Variants in CCDC192 observed in about 807,000 individuals in gnomAD.
CCDC192 encodes coiled-coil domain containing 192, also known as coiled-coil domain-containing protein 192.
intron 3 of CCDC192, among the ~76,000 whole-genome samples, chr5:127,781,389 G>C (rs1388455585): frequency 6.6e-6 from 1 of 152,012 alleles, no homozygotes; most frequent in East Asian, 1.9e-4. Context: ...ATTTTGATGG[G>C]AATTGTGTTG....
intron 3 of CCDC192, among the ~76,000 whole-genome samples, chr5:127,757,663 C>T (rs115245583): frequency 1.8e-3 from 267 of 151,766 alleles, no homozygotes; most frequent in African/African-American, 5.9e-3. Flanking sequence ...GAACACCTGT[C>T]ACAAACAATC....
intron 6 of CCDC192, among the ~76,000 whole-genome samples, chr5:127,906,880 G>T (rs1753211820): frequency 6.6e-6 from 1 of 152,138 alleles, no homozygotes. Flanking sequence ...AGGTCACATG[G>T]TTGTTCTGTT....
intron 6 of CCDC192, among the ~76,000 whole-genome samples, chr5:127,897,994 G>C (rs1415114224): frequency 2.0e-5 from 3 of 152,152 alleles, no homozygotes; most frequent in African/African-American, 7.2e-5. Context: ...TTGGCTTTAT[G>C]ATTAACATAG....
chr5:127,871,814 A>G (rs1024077063), intron 5 of CCDC192, among the ~76,000 whole-genome samples: 6 of 152,224 alleles, frequency 3.9e-5, no homozygotes, highest in Non-Finnish European at 8.8e-5. Flanking sequence ...ACATTGCACA[A>G]ATACATGATT....
intron 2 of CCDC192, among the ~76,000 whole-genome samples, chr5:127,744,264 T>C (rs1054099477): frequency 1.3e-5 from 2 of 150,932 alleles, no homozygotes; most frequent in African/African-American, 2.4e-5. Flanking sequence ...GGGTGGTAGG[T>C]TGGGGAGAAG....
intron 5 of CCDC192, among the ~76,000 whole-genome samples, chr5:127,867,616 C>T (rs1206428623): frequency 1.3e-5 from 2 of 152,174 alleles, no homozygotes; most frequent in Non-Finnish European, 2.9e-5. Context: ...AGCTTCCTGC[C>T]AGGCACTGCG....
chr5:127,846,989 A>G (rs997149446), intron 5 of CCDC192, among the ~76,000 whole-genome samples: 1 of 151,920 alleles, frequency 6.6e-6, no homozygotes, highest in African/African-American at 2.4e-5. Flanking sequence ...GCAGGCCTTC[A>G]TCATCTCTCA....
intron 6 of CCDC192, among the ~76,000 whole-genome samples, chr5:127,928,138 A>C (rs754328363): frequency 4.0e-5 from 6 of 151,798 alleles, no homozygotes; most frequent in Non-Finnish European, 7.4e-5. Context: ...ATGTTGGCCA[A>C]GCTGGTCTCG....
chr5:127,764,974 C>T (rs1755136598), intron 3 of CCDC192, among the ~76,000 whole-genome samples: 1 of 152,162 alleles, frequency 6.6e-6, no homozygotes, highest in Non-Finnish European at 1.5e-5. Context: ...TTATTAGCCT[C>T]AGAAAGTGTT....
chr5:127,921,576 A>G (rs1446979272), intron 6 of CCDC192, among the ~76,000 whole-genome samples: 2 of 152,250 alleles, frequency 1.3e-5, no homozygotes, highest in African/African-American at 4.8e-5. Flanking sequence ...TCAGAAGTCC[A>G]AAGTCCCTAA....
intron 6 of CCDC192, among the ~76,000 whole-genome samples, chr5:127,888,055 A>AAG (rs1752621252): frequency 6.6e-6 from 1 of 152,072 alleles, no homozygotes; most frequent in Non-Finnish European, 1.5e-5. Flanking sequence ...AACTCCTTTA[A>AAG]AATACATATT....
rs1273855429 is a variant in CCDC192, at chr5:127,832,074, A to G, written c.411+33912A>G. ...AAAAGAAAAAGAAAAAGAACAACCC[A>G]GTAGAAAAATAACCAAAGTTATGAG... On this transcript the variant is annotated intron_variant, in intron 5 of 6. Coordinates refer to ENST00000514853, the MANE Select transcript of CCDC192 (RefSeq NM_001317938.2). 2.0e-5 allele frequency among the ~76,000 whole-genome samples: 3 copies of G among 152,286 alleles called. No homozygotes were observed. In the East Asian group the frequency reaches 5.8e-4, roughly 29 times the overall value.
At chr5:127,726,955 A>G (rs1041449614) in intron 2 of CCDC192, among the ~76,000 whole-genome samples, 1 of 152,186 alleles carries the variant, frequency 6.6e-6, no homozygotes, top group Non-Finnish European at 1.5e-5. Flanking sequence ...GTGAGACCCT[A>G]CAACAGTGGT....
intron 2 of CCDC192, among the ~76,000 whole-genome samples, chr5:127,723,525 T>C (rs185871471): frequency 2.9e-4 from 44 of 152,348 alleles, no homozygotes; most frequent in African/African-American, 1.0e-3. Context: ...GGAGAGACCA[T>C]CAAAATTAAT....
intron 2 of CCDC192, among the ~76,000 whole-genome samples, chr5:127,751,690 G>A (rs1200208064): frequency 6.6e-6 from 1 of 151,918 alleles, no homozygotes; most frequent in South Asian, 2.1e-4. Context: ...AATTCTCCTG[G>A]ATAATATCCT....
intron 3 of CCDC192, among the ~76,000 whole-genome samples, chr5:127,795,289 C>CAAAAAAA (rs762627670): frequency 5.2e-5 from 4 of 76,578 alleles, no homozygotes; most frequent in African/African-American, 9.9e-5. Flanking sequence ...GACTCTATCT[C>CAAAAAAA]AAAAAAAAAA....
chr5:127,730,875 A>G (rs772608800), intron 2 of CCDC192, among the ~76,000 whole-genome samples: 29 of 152,182 alleles, frequency 1.9e-4, no homozygotes, highest in Admixed American at 7.9e-4. Flanking sequence ...CCTCAAAATA[A>G]TAAGAGCCAT....
chr5:127,751,746 G>T (rs1754186304), intron 2 of CCDC192, among the ~76,000 whole-genome samples: 1 of 152,072 alleles, frequency 6.6e-6, no homozygotes, highest in Non-Finnish European at 1.5e-5. Flanking sequence ...TCACTTTCAG[G>T]TACACCAATC....
chr5:127,780,023 G>T (rs1756103810), intron 3 of CCDC192, among the ~76,000 whole-genome samples: 1 of 151,988 alleles, frequency 6.6e-6, no homozygotes, highest in African/African-American at 2.4e-5. Context: ...TAGAATAATA[G>T]CCTCCAATCT....
Sources: allele counts gnomAD v4.1 joint callset (sites outside exome capture counted in the v4.1 genomes callset), GRCh38; gene constraint gnomAD v4.1.1; transcripts MANE v1.5; gene names NCBI Gene and HGNC (gene_info 2026-07-23, HGNC 2026-07-21).